Variants in SLC12A7 observed in about 807,000 individuals in gnomAD.
SLC12A7 encodes the protein solute carrier family 12 member 7, also known as K-Cl cotransporter 4.
SLC12A7 carries 100 observed loss-of-function variants against 120.6 expected under a neutral mutation model. That is an observed-to-expected ratio of 0.83 (90% CI 0.71 to 0.98). The LOEUF is 0.98. Ranked by LOEUF, SLC12A7 falls within the 50% of genes least tolerant of loss-of-function variation. The pLI is 0.00. For synonymous variants in SLC12A7, 760 were observed against 678.0 expected (o/e 1.12, Z -1.88); for missense variants, 1,373 against 1,548.1 (o/e 0.89, Z 1.90).
rs571818649 is a variant in SLC12A7 at position 1,050,902 on chromosome 5, G to A, written c.*1458C>T. On this transcript the variant is annotated 3_prime_UTR_variant, in exon 24 of 24. Coordinates refer to ENST00000264930, the MANE Select transcript of SLC12A7 (RefSeq NM_006598.3). ...GGGGCACAAGTGCAGCCTCTGCCCC[G>A]ATTTGAACTTTGTTGATGGGGCTGA... The A allele has an allele frequency of 7.2e-4, 287 of 398,668 alleles. 2 individuals carry two copies. The East Asian group carries it at 9.9e-3, about 14-fold the overall frequency. The allele number at this position is 398,668 out of a possible 1,614,324, so 24.7% of individuals were successfully genotyped here. A position where few individuals can be genotyped will look rare whatever the true frequency, so the allele number is the denominator to read the frequency against.
chr5:1,087,089 A>C (rs1739947118), intron 5 of SLC12A7, 56 bp from the exon 6 acceptor site: 1 of 1,551,154 alleles, frequency 6.4e-7, no homozygotes, highest in African/African-American at 1.4e-5. Context: ...CTCGGACCCG[A>C]GGTGCGGTCT....
chr5:1,055,096 G>A (rs1376421340), intron 22 of SLC12A7, among the ~76,000 whole-genome samples: 1 of 152,160 alleles, frequency 6.6e-6, no homozygotes, highest in African/African-American at 2.4e-5. Context: ...AGGAGGACCA[G>A]TGCAGACACA....
At chr5:1,092,682 C>T (rs1326425813) in intron 3 of SLC12A7, among the ~76,000 whole-genome samples, 2 of 152,078 alleles carry the variant, frequency 1.3e-5, no homozygotes, top group African/African-American at 2.4e-5. Context: ...GGCCGTCGCC[C>T]GGCTTCAGAG....
intron 12 of SLC12A7, 82 bp downstream of exon 12, chr5:1,077,751 C>G: frequency 2.2e-6 from 3 of 1,370,148 alleles, no homozygotes. Context: ...GTCCCACACA[C>G]GGCACTGTGA....
At chr5:1,147,579 G>A in the SLC12A7 span, among the ~76,000 whole-genome samples, 7 of 152,052 alleles carry the variant, frequency 4.6e-5, no homozygotes, top group Non-Finnish European at 8.8e-5. Context: ...TCCACCCACT[G>A]CAAGCCTTCA....
At chr5:1,062,907 C>A (rs1024101616) in intron 20 of SLC12A7, 1 of 154,304 alleles carries the variant, frequency 6.5e-6, no homozygotes, top group Non-Finnish European at 1.5e-5. Context: ...CAGGACTTTG[C>A]GGGTTCTGAC....
chr5:1,154,241 G>GT, the SLC12A7 span, among the ~76,000 whole-genome samples: 1 of 151,786 alleles, frequency 6.6e-6, no homozygotes, highest in Non-Finnish European at 1.5e-5. Context: ...TCTCCAAAGC[G>GT]TGTGTGTCCA....
chr5:1,078,336 C>T (rs968452178), intron 11 of SLC12A7, among the ~76,000 whole-genome samples: 2 of 152,112 alleles, frequency 1.3e-5, no homozygotes, highest in Admixed American at 1.3e-4. Flanking sequence ...ACGCACACCC[C>T]ATGAGGATGC....
chr5:1,076,062 A>G (rs1738295369), intron 14 of SLC12A7, 76 bp downstream of exon 14: 2 of 1,255,424 alleles, frequency 1.6e-6, no homozygotes, highest in South Asian at 2.8e-5. Context: ...GCCTGTGCTG[A>G]GCGGCCTCAC....
At chr5:1,106,030 C>T (rs1742505536) in intron 1 of SLC12A7, among the ~76,000 whole-genome samples, 1 of 152,328 alleles carries the variant, frequency 6.6e-6, no homozygotes, top group African/African-American at 2.4e-5. Context: ...CTCTGGGATC[C>T]ACCCTCAGAA....
At chr5:1,155,264 G>A in the SLC12A7 span, among the ~76,000 whole-genome samples, 78 of 152,184 alleles carry the variant, frequency 5.1e-4, no homozygotes, top group African/African-American at 1.8e-3. Context: ...TCACAGCCCC[G>A]CCCAAGGCCT....
chr5:1,065,643 G>A (rs1374534743), intron 17 of SLC12A7, among the ~76,000 whole-genome samples, 165 bp from the exon 18 acceptor site: 2 of 152,136 alleles, frequency 1.3e-5, no homozygotes, highest in East Asian at 3.9e-4. Flanking sequence ...GCCGCTGTGT[G>A]TGTATGTGTG....
chr5:1,146,593 C>G, the SLC12A7 span, among the ~76,000 whole-genome samples: 423 of 152,266 alleles, frequency 2.8e-3, 2 homozygotes, highest in African/African-American at 9.7e-3. The surrounding 1 kb of genome is among the most constrained non-coding windows in gnomAD (Gnocchi z 6.5). Context: ...TCGGCCATGC[C>G]TCATGCCGCC....
chr5:1,065,210 GA>G, intron 18 of SLC12A7, 72 bp downstream of exon 18: 1 of 1,103,970 alleles, frequency 9.1e-7, no homozygotes. Context: ...ACACACAGGG[GA>G]CAGCGAGGGG....
chr5:1,089,026 C>T lies in SLC12A7; in HGVS notation c.445G>A (p.Gly149Ser). 1 of 1,613,034 alleles carries T rather than the reference C, an allele frequency of 6.2e-7. No individual in the cohort carries two copies. Among genetic ancestry groups the T allele is most frequent in the East Asian group, 2.2e-5 (1 of 44,886 alleles). ...LRLTWIVGVAGVLESFLIVAM... is the reference protein window; with the variant it reads ...LRLTWIVGVASVLESFLIVAM... The stretch of plus-strand genomic sequence containing the variant: ...ACGATGAGGAAGGACTCCAGGACAC[C>T]AGCCACCCCCACGATCCACGTCAGG... Residue 149 changes from glycine (G) to serine (S), a missense_variant, in exon 4 of 24, where the codon GGT becomes AGT. Coordinates refer to ENST00000264930, the MANE Select transcript of SLC12A7 (RefSeq NM_006598.3).
the SLC12A7 span, among the ~76,000 whole-genome samples, chr5:1,125,092 G>C: frequency 6.6e-6 from 1 of 152,154 alleles, no homozygotes; most frequent in Non-Finnish European, 1.5e-5. Context: ...GCCACTGCCC[G>C]GCCCCTACTC....
the SLC12A7 span, among the ~76,000 whole-genome samples, chr5:1,127,210 T>A: frequency 1.3e-5 from 2 of 152,150 alleles, no homozygotes; most frequent in Non-Finnish European, 2.9e-5. Flanking sequence ...AGACGGGGTT[T>A]CACTGTGTTG....
chr5:1,091,638 G>A (rs1740505459), intron 3 of SLC12A7, among the ~76,000 whole-genome samples: 2 of 152,206 alleles, frequency 1.3e-5, no homozygotes, highest in African/African-American at 4.8e-5. Flanking sequence ...GCTGAGTGCT[G>A]AGCCCGGCAA....
chr5:1,140,725 G>T, the SLC12A7 span, among the ~76,000 whole-genome samples: 53 of 152,384 alleles, frequency 3.5e-4, no homozygotes, highest in African/African-American at 1.3e-3. Flanking sequence ...CCAGGGCCCC[G>T]GGGAGGGCTC....
Sources: allele counts gnomAD v4.1 joint callset (sites outside exome capture counted in the v4.1 genomes callset), GRCh38; gene constraint gnomAD v4.1.1; non-coding constraint Gnocchi (gnomAD v3.1); transcripts MANE v1.5; gene names NCBI Gene and HGNC (gene_info 2026-07-23, HGNC 2026-07-21).